The following GTF2E2 variants were observed in gnomAD, a reference collection of about 807,000 sequenced individuals.
GTF2E2 encodes transcription initiation factor IIE subunit beta.
GTF2E2 carries 21 observed loss-of-function variants against 40.5 expected under a neutral mutation model. That is an observed-to-expected ratio of 0.52 (90% CI 0.37 to 0.75). GTF2E2 has a LOEUF of 0.75. Ranked by LOEUF, GTF2E2 falls within the 30% of genes least tolerant of loss-of-function variation. The probability of loss-of-function intolerance (pLI) is 0.00; values close to 1 mark genes in which losing one functional copy is unlikely to be tolerated. For missense variants in GTF2E2, 298 were observed against 338.4 expected (o/e 0.88, Z 0.94); for synonymous variants, 117 against 121.6 (o/e 0.96, Z 0.25).
At chr8:30,633,699 G>A (rs1288512294) in intron 3 of GTF2E2, among the ~76,000 whole-genome samples, 2 of 152,176 alleles carry the variant, frequency 1.3e-5, no homozygotes, top group Non-Finnish European at 2.9e-5. Context: ...TCAACAGAGT[G>A]ACAGCCCTGA....
At position 30,578,987 on chromosome 8, in the gene GTF2E2, A is replaced by G; in HGVS notation, c.810T>C (p.Phe270=). The G allele has an allele frequency of 6.2e-7, 1 of 1,611,484 alleles. No individual in the cohort carries two copies. The highest frequency in any genetic ancestry group is 8.5e-7 in the Non-Finnish European group (1 of 1,177,556). Residue 270 remains phenylalanine (F), a synonymous_variant, in exon 8 of 8, where the codon TTT becomes TTC. Transcript: ENST00000355904. ...KKPASQKKRR[F]KTHNEHLAGV... The stretch of plus-strand genomic sequence containing the variant: ...CAGCCAAGTGTTCGTTATGAGTCTT[A>G]AAGCGTCGCTTTTTCTGTGAAGCAG...
At chr8:30,645,106 T>C (rs980842041) in intron 2 of GTF2E2, among the ~76,000 whole-genome samples, 1 of 152,198 alleles carries the variant, frequency 6.6e-6, no homozygotes, top group African/African-American at 2.4e-5. Context: ...AAACAGGGTA[T>C]GGTTGACTAA....
intron 3 of GTF2E2, among the ~76,000 whole-genome samples, chr8:30,621,050 C>T (rs13259369): frequency 6.6e-6 from 1 of 151,896 alleles, no homozygotes; most frequent in Admixed American, 6.6e-5. Context: ...GGTTACTTGT[C>T]TAAGGAGAGC....
In GTF2E2 at chr8:30,594,719, G is replaced by A. The variant is rs542980737; in HGVS notation, c.643+12338C>T. 1.5e-4 allele frequency among the ~76,000 whole-genome samples: 23 copies of A among 152,064 alleles called. No individual in the cohort carries two copies. The East Asian group carries it at 2.0e-3, about 13-fold the overall frequency. On this transcript the variant is annotated intron_variant, in intron 6 of 7. Coordinates refer to ENST00000355904, the MANE Select transcript of GTF2E2 (RefSeq NM_002095.6). ...CTAAAAAATACTAAATTAGACGGGC[G>A]TGGTGGTGTATGCCTGTAATCCCAG...
At chr8:30,587,974 A>G (rs1029883176) in intron 6 of GTF2E2, among the ~76,000 whole-genome samples, 2 of 152,154 alleles carry the variant, frequency 1.3e-5, no homozygotes, top group African/African-American at 4.8e-5. Flanking sequence ...ATGATTTCCA[A>G]CTGGGGCAGA....
chr8:30,595,702 T>C (rs1321777309), intron 6 of GTF2E2, among the ~76,000 whole-genome samples: 1 of 152,050 alleles, frequency 6.6e-6, no homozygotes, highest in Non-Finnish European at 1.5e-5. Flanking sequence ...TGTAGTGGCA[T>C]GTACCTGCAG....
intron 2 of GTF2E2, among the ~76,000 whole-genome samples, chr8:30,642,247 T>C (rs923220304): frequency 7.9e-5 from 12 of 151,276 alleles, no homozygotes; most frequent in African/African-American, 2.9e-4. Context: ...ATGTGTTACA[T>C]TTTGAAAGCA....
chr8:30,597,392 C>T (rs561749285), intron 6 of GTF2E2: 1 of 152,326 alleles, frequency 6.6e-6, no homozygotes, highest in South Asian at 2.1e-4. Flanking sequence ...ACACCCTTGC[C>T]TCAATCTTTT....
chr8:30,583,370 T>A (rs2151106232), intron 6 of GTF2E2, among the ~76,000 whole-genome samples: 1 of 149,630 alleles, frequency 6.7e-6, no homozygotes, highest in South Asian at 2.1e-4. Flanking sequence ...AAAGAGCTGC[T>A]CTTCCTTCAG....
Position 30,579,023 on chromosome 8 carries a change from T to A in GTF2E2, c.774A>T (p.Arg258Ser). 6.3e-7 allele frequency: 1 copy of A among 1,586,240 alleles called. No individual in the cohort carries two copies. Among genetic ancestry groups the A allele is most frequent in the Non-Finnish European group, 8.7e-7 (1 of 1,154,540 alleles). The part of the protein sequence containing the change: ...SGPKKVAPIQ[R>S]RKKPASQKKR... Reference sequence around the variant, plus strand: ...TTTTCTGTGAAGCAGGCTTTTTCCTTCTCTGAATAGGGGCCTAAAGGAAAA... The same window carrying A: ...TTTTCTGTGAAGCAGGCTTTTTCCTACTCTGAATAGGGGCCTAAAGGAAAA... Residue 258 changes from arginine (R) to serine (S), a missense_variant, in exon 8 of 8, where the codon AGA becomes AGT. Coordinates refer to ENST00000355904, the MANE Select transcript of GTF2E2 (RefSeq NM_002095.6).
At chr8:30,645,370 G>T in intron 2 of GTF2E2, 4 of 1,535,646 alleles carry the variant, frequency 2.6e-6, no homozygotes, top group Non-Finnish European at 3.5e-6. Flanking sequence ...TGGTTTTCAA[G>T]TTCAAAAAAT....
chr8:30,648,834 G>A (rs760661657), intron 2 of GTF2E2, among the ~76,000 whole-genome samples: 7 of 152,210 alleles, frequency 4.6e-5, no homozygotes, highest in Non-Finnish European at 7.4e-5. Flanking sequence ...TTAAGAAACT[G>A]AGATTTTTGG....
intron 3 of GTF2E2, among the ~76,000 whole-genome samples, chr8:30,626,805 T>C (rs1011762815): frequency 2.0e-5 from 3 of 152,214 alleles, no homozygotes; most frequent in Non-Finnish European, 4.4e-5. Context: ...AGGTTAGTAA[T>C]CCAAAGAGTC....
rs1036000789 is a variant in GTF2E2 at position 30,580,203 on chromosome 8, T to C, written c.759+78A>G. On this transcript the variant is annotated intron_variant, in intron 7 of 7. Transcript: ENST00000355904. ...CAATGGCGGGGGAACAACTCCCAGC[T>C]CTTCAGAGGGCAGAAAGCGGAGCAG... is the stretch of plus-strand genomic sequence containing the variant. 8.2e-5 allele frequency: 65 copies of C among 794,706 alleles called. No homozygotes were observed. The South Asian group carries it at 9.7e-4, about 12-fold the overall frequency. 49.2% of individuals were successfully genotyped at this position (794,706 alleles called of 1,614,324 possible). A position where few individuals can be genotyped will look rare whatever the true frequency, so the allele number is the denominator to read the frequency against.
chr8:30,592,740 A>G (rs1202698775), intron 6 of GTF2E2, among the ~76,000 whole-genome samples: 1 of 152,228 alleles, frequency 6.6e-6, no homozygotes, highest in African/African-American at 2.4e-5. Context: ...AATAAAGACA[A>G]AATTTTTTTC....
At chr8:30,654,716 T>A (rs1374226235) in intron 1 of GTF2E2, among the ~76,000 whole-genome samples, 2 of 152,216 alleles carry the variant, frequency 1.3e-5, no homozygotes, top group Non-Finnish European at 2.9e-5. Context: ...AGAATATTTT[T>A]AATTACACGT....
intron 3 of GTF2E2, 91 bp downstream of exon 3, chr8:30,634,941 T>C (rs1801542208): frequency 1.1e-5 from 7 of 661,098 alleles, no homozygotes; most frequent in Admixed American, 2.8e-5. Flanking sequence ...TAAATTTTGA[T>C]GTATACAGAA....
intron 3 of GTF2E2, among the ~76,000 whole-genome samples, chr8:30,615,327 A>C (rs1800887711): frequency 6.6e-6 from 1 of 152,122 alleles, no homozygotes; most frequent in South Asian, 2.1e-4. Context: ...AGAAACGCGC[A>C]GATTGCAAAA....
At chr8:30,617,877 C>T (rs1231723191) in intron 3 of GTF2E2, among the ~76,000 whole-genome samples, 1 of 152,102 alleles carries the variant, frequency 6.6e-6, no homozygotes, top group African/African-American at 2.4e-5. Flanking sequence ...GGGGAAACGC[C>T]GGGCAGCTAT....
Sources: gnomAD v4.1 joint callset for allele counts (sites outside exome capture counted in the v4.1 genomes callset) on GRCh38, gnomAD v4.1.1 for gene constraint, MANE v1.5 for transcripts, NCBI Gene and HGNC (gene_info 2026-07-23, HGNC 2026-07-21) for gene names.